The following ATP2B2 variants were observed in gnomAD, a reference collection of about 807,000 sequenced individuals.
The protein encoded by ATP2B2 is ATPase plasma membrane Ca2+ transporting 2, also known as plasma membrane calcium-transporting ATPase 2.
A neutral mutation model predicts 120.0 loss-of-function variants in ATP2B2; 15 were observed. That is an observed-to-expected ratio of 0.12 (90% CI 0.08 to 0.19). The LOEUF is 0.19. Among genes scored for constraint, ATP2B2 ranks in the 10% least tolerant of loss-of-function variants. The pLI is 1.00. For synonymous variants in ATP2B2, 694 were observed against 700.3 expected (o/e 0.99, Z 0.14); for missense variants, 1,045 against 1,719.8 (o/e 0.61, Z 6.94).
intron 10 of ATP2B2, among the ~76,000 whole-genome samples, chr3:10,376,978 C>T (rs1486836263): frequency 2.0e-5 from 3 of 152,162 alleles, no homozygotes; most frequent in East Asian, 1.9e-4. Context: ...GCAGGTCTCA[C>T]CTGAGAGCAC....
chr3:10,547,795 A>G (rs567101417), intron 2 of ATP2B2, among the ~76,000 whole-genome samples: 1 of 152,208 alleles, frequency 6.6e-6, no homozygotes, highest in African/African-American at 2.4e-5. Flanking sequence ...AGGCAAAATC[A>G]TCTTATGCCA....
At chr3:10,486,248 A>G (rs774949196) in intron 1 of ATP2B2, among the ~76,000 whole-genome samples, 3 of 152,124 alleles carry the variant, frequency 2.0e-5, no homozygotes, top group Non-Finnish European at 4.4e-5. Context: ...TTTCACCATC[A>G]AGTGCCTAGA....
At chr3:10,438,325 C>G (rs1426940101) in intron 2 of ATP2B2, among the ~76,000 whole-genome samples, 1 of 152,236 alleles carries the variant, frequency 6.6e-6, no homozygotes, top group Non-Finnish European at 1.5e-5. Context: ...GCTGTTCTTT[C>G]CAGCAGAGCT....
rs747658603 is a variant in ATP2B2 at position 10,402,543 on chromosome 3, C to T, written c.398-195G>A. On this transcript the variant is annotated intron_variant, in intron 3 of 22. Transcript: ENST00000360273. This position sits in a 1 kb window ranked among gnomAD's most constrained non-coding sequence, Gnocchi z 4.9. ...CAGATCATCTCACAGGGTATTCCCG[C>T]TGCCCATTTCACAGATGTGGAAGCT... Among the ~76,000 whole-genome samples, 2 of 152,278 alleles carry T rather than the reference C, an allele frequency of 1.3e-5. No individual in the cohort carries two copies. The highest frequency in any genetic ancestry group is 2.4e-5 in the African/African-American group (1 of 41,478).
chr3:10,529,691 T>A (rs2067170756), intron 3 of ATP2B2, among the ~76,000 whole-genome samples: 1 of 152,182 alleles, frequency 6.6e-6, no homozygotes, highest in South Asian at 2.1e-4. Flanking sequence ...AAAGATAGGT[T>A]GAAGTCCTAA....
rs371368483 is a variant in ATP2B2, at chr3:10,448,933, G to A, written c.199+412C>T. The stretch of plus-strand genomic sequence containing the variant: ...CAAATCCATCCACTGTGGGCTAAGC[G>A]GGGAAAGCAAAAGCCCCTCCTGGGC... On this transcript the variant is annotated intron_variant, in intron 2 of 22. Transcript: ENST00000360273. 1.8e-4 allele frequency among the ~76,000 whole-genome samples: 28 copies of A among 152,332 alleles called. No homozygotes were observed. The East Asian group carries it at 1.9e-3, about 10-fold the overall frequency.
chr3:10,657,068 T>C (rs2070650975), intron 1 of ATP2B2, among the ~76,000 whole-genome samples: 2 of 152,186 alleles, frequency 1.3e-5, no homozygotes, highest in African/African-American at 4.8e-5. Flanking sequence ...TTTGTTTTTG[T>C]TTTTGGAGAA....
intron 1 of ATP2B2, among the ~76,000 whole-genome samples, chr3:10,632,623 C>T (rs1560921): frequency 0.59 from 89,163 of 152,036 alleles, 26,296 homozygotes; most frequent in Non-Finnish European, 0.61. Context: ...GGCTTAGCAT[C>T]GAGCTCTGGC....
intron 2 of ATP2B2, among the ~76,000 whole-genome samples, chr3:10,427,200 C>T (rs2063172732): frequency 6.6e-6 from 1 of 152,196 alleles, no homozygotes; most frequent in Non-Finnish European, 1.5e-5. Flanking sequence ...ATGGGATCCA[C>T]AAGGTAAGCT....
intron 2 of ATP2B2, among the ~76,000 whole-genome samples, chr3:10,569,221 G>A (rs1241969415): frequency 3.3e-5 from 5 of 152,122 alleles, no homozygotes; most frequent in East Asian, 1.9e-4. Flanking sequence ...AAAAACAATC[G>A]CTCCTCTTTA....
chr3:10,446,099 G>A (rs1168342877), intron 2 of ATP2B2, among the ~76,000 whole-genome samples: 1 of 152,158 alleles, frequency 6.6e-6, no homozygotes, highest in Non-Finnish European at 1.5e-5. Context: ...CAGTGACCTC[G>A]AGCCCTCATA....
intron 1 of ATP2B2, among the ~76,000 whole-genome samples, chr3:10,683,293 T>C (rs12490534): frequency 0.87 from 132,275 of 152,116 alleles, 57,795 homozygotes; most frequent in African/African-American, 0.97. Context: ...TCTCCAATCC[T>C]TTGGATGAGT....
intron 2 of ATP2B2, among the ~76,000 whole-genome samples, chr3:10,420,074 A>C (rs2062920665): frequency 2.0e-5 from 3 of 152,358 alleles, no homozygotes. Context: ...CTGTCAGTGC[A>C]TGCATGCGTG....
intron 3 of ATP2B2, among the ~76,000 whole-genome samples, chr3:10,407,162 C>G (rs111359933): frequency 3.4e-4 from 52 of 152,336 alleles, no homozygotes; most frequent in African/African-American, 1.2e-3. Context: ...TCTTGGAGCT[C>G]CAGTTCCCTC....
intron 1 of ATP2B2, among the ~76,000 whole-genome samples, chr3:10,679,298 C>T (rs554472570): frequency 6.6e-6 from 1 of 152,164 alleles, no homozygotes; most frequent in African/African-American, 2.4e-5. Context: ...AATAGACAAC[C>T]AATACCTTAC....
intron 1 of ATP2B2, among the ~76,000 whole-genome samples, chr3:10,646,049 G>A (rs76151309): frequency 1.3e-5 from 2 of 152,126 alleles, no homozygotes; most frequent in African/African-American, 2.4e-5. Flanking sequence ...GGCGACCTGA[G>A]AGCCCCAGTG....
At chr3:10,641,412 C>A (rs941770348) in intron 1 of ATP2B2, among the ~76,000 whole-genome samples, 3 of 152,274 alleles carry the variant, frequency 2.0e-5, no homozygotes, top group African/African-American at 7.2e-5. Context: ...ACCCTCAGCC[C>A]TAGCCAAGGG....
chr3:10,519,254 C>T (rs1559435773), intron 3 of ATP2B2, among the ~76,000 whole-genome samples: 1 of 152,194 alleles, frequency 6.6e-6, no homozygotes, highest in Non-Finnish European at 1.5e-5. Flanking sequence ...TGTGGATTTG[C>T]CCTGTTTGTT....
At chr3:10,411,115 G>A (rs375139248) in intron 2 of ATP2B2, among the ~76,000 whole-genome samples, 2 of 152,268 alleles carry the variant, frequency 1.3e-5, no homozygotes, top group Non-Finnish European at 2.9e-5. Flanking sequence ...AGGATATCAC[G>A]ATGAGAGCAT....
Sources: allele counts gnomAD v4.1 joint callset (sites outside exome capture counted in the v4.1 genomes callset), GRCh38; gene constraint gnomAD v4.1.1; non-coding constraint Gnocchi (gnomAD v3.1); transcripts MANE v1.5; gene names NCBI Gene and HGNC (gene_info 2026-07-23, HGNC 2026-07-21).